Variants in BRAF observed in about 807,000 individuals in gnomAD.
BRAF encodes the protein serine/threonine-protein kinase B-raf.
A neutral mutation model predicts 104.6 loss-of-function variants in BRAF; 16 were observed. The observed-to-expected ratio is 0.15, with a 90% CI of 0.10 to 0.23. BRAF has a LOEUF of 0.23. Ranked by LOEUF, BRAF falls within the 10% of genes least tolerant of loss-of-function variation. The pLI is 1.00. For synonymous variants in BRAF, 310 were observed against 341.6 expected (o/e 0.91, Z 1.02); for missense variants, 541 against 937.3 (o/e 0.58, Z 5.52).
intron 1 of BRAF, among the ~76,000 whole-genome samples, chr7:140,901,382 C>G (rs1307943879): frequency 1.3e-5 from 2 of 152,106 alleles, no homozygotes; most frequent in East Asian, 3.9e-4. Context: ...CCAGGATGAG[C>G]AGTGCCTACC....
chr7:140,826,696 A>G (rs1239991971), intron 3 of BRAF, among the ~76,000 whole-genome samples: 1 of 152,184 alleles, frequency 6.6e-6, no homozygotes. Context: ...CATCTCAAAA[A>G]AGCGTGGGTT....
intron 1 of BRAF, among the ~76,000 whole-genome samples, chr7:140,919,663 T>TA (rs1818002283): frequency 6.6e-6 from 1 of 152,100 alleles, no homozygotes; most frequent in African/African-American, 2.4e-5. Flanking sequence ...ACAAAAAATT[T>TA]AAGAAAGAAA....
chr7:140,718,985 A>C (rs1795201179), downstream of BRAF, among the ~76,000 whole-genome samples: 1 of 152,220 alleles, frequency 6.6e-6, no homozygotes, highest in Admixed American at 6.5e-5. Flanking sequence ...TCTGCAGATA[A>C]ACTTTAAACA....
At chr7:140,891,759 A>T (rs1028118832) in intron 1 of BRAF, among the ~76,000 whole-genome samples, 1 of 151,796 alleles carries the variant, frequency 6.6e-6, no homozygotes, top group Non-Finnish European at 1.5e-5. Flanking sequence ...AAACCATTGA[A>T]AAAAAAAATT....
At chr7:140,897,137 G>T (rs1176398520) in intron 1 of BRAF, among the ~76,000 whole-genome samples, 5 of 151,412 alleles carry the variant, frequency 3.3e-5, no homozygotes, top group African/African-American at 4.9e-5. Flanking sequence ...ACGTGGAAGA[G>T]TGAATGAGCA....
intron 1 of BRAF, among the ~76,000 whole-genome samples, chr7:140,911,178 T>G (rs1816933396): frequency 6.6e-6 from 1 of 152,196 alleles, no homozygotes; most frequent in Non-Finnish European, 1.5e-5. Flanking sequence ...AGAGAATAAG[T>G]ATGAATCCCA....
chr7:140,845,503 C>A (rs535394965), intron 2 of BRAF, among the ~76,000 whole-genome samples: 30 of 152,202 alleles, frequency 2.0e-4, no homozygotes, highest in African/African-American at 6.7e-4. Flanking sequence ...ACAAAACAAA[C>A]AATCCAATTA....
chr7:140,755,872 T>C (rs4370443), intron 14 of BRAF, among the ~76,000 whole-genome samples: 3 of 151,892 alleles, frequency 2.0e-5, no homozygotes, highest in East Asian at 1.9e-4. Context: ...GGATCTAGTA[T>C]ACAGCCAAGG....
intron 10 of BRAF, chr7:140,783,399 C>A: frequency 2.5e-6 from 1 of 393,794 alleles, no homozygotes; most frequent in Non-Finnish European, 4.5e-6. Context: ...TAGACACATA[C>A]TTTATTTACT....
intron 19 of BRAF, among the ~76,000 whole-genome samples, chr7:140,727,227 A>G (rs1795652718): frequency 6.9e-6 from 1 of 144,162 alleles, no homozygotes; most frequent in Non-Finnish European, 1.5e-5. Flanking sequence ...TTTGTTGCCC[A>G]GGCTGGAGTG....
chr7:140,890,490 GA>G (rs1814096288), intron 1 of BRAF, among the ~76,000 whole-genome samples: 1 of 151,864 alleles, frequency 6.6e-6, no homozygotes, highest in African/African-American at 2.4e-5. Flanking sequence ...ACTCCATCTA[GA>G]TTTTTTTTTT....
At chr7:140,903,858 A>C (rs1815972715) in intron 1 of BRAF, among the ~76,000 whole-genome samples, 1 of 152,256 alleles carries the variant, frequency 6.6e-6, no homozygotes, top group Non-Finnish European at 1.5e-5. Flanking sequence ...GTGTAGTAGA[A>C]GCAGCAGAAG....
intron 14 of BRAF, among the ~76,000 whole-genome samples, chr7:140,757,758 T>C (rs963268587): frequency 6.6e-6 from 1 of 152,228 alleles, no homozygotes; most frequent in Non-Finnish European, 1.5e-5. Context: ...AGGAGATTTT[T>C]AAAGATCGGC....
chr7:140,856,912 G>A (rs1192741465), intron 1 of BRAF, among the ~76,000 whole-genome samples: 2 of 152,112 alleles, frequency 1.3e-5, no homozygotes, highest in Non-Finnish European at 2.9e-5. Context: ...GGTGCAAGAA[G>A]AAAATAACTG....
chr7:140,921,630 G>T (rs1048781809), intron 1 of BRAF, among the ~76,000 whole-genome samples: 2 of 151,828 alleles, frequency 1.3e-5, no homozygotes, highest in Admixed American at 6.6e-5. Context: ...CATTAAAAAA[G>T]AACAGATGGA....
chr7:140,761,821 T>C (rs1265239156), intron 14 of BRAF, among the ~76,000 whole-genome samples: 1 of 152,154 alleles, frequency 6.6e-6, no homozygotes, highest in Non-Finnish European at 1.5e-5. Flanking sequence ...AAGGGACCAA[T>C]TCAACAAGAA....
At chr7:140,791,223 T>C (rs1801930904) in intron 8 of BRAF, among the ~76,000 whole-genome samples, 1 of 152,210 alleles carries the variant, frequency 6.6e-6, no homozygotes, top group African/African-American at 2.4e-5. Context: ...TAACACTTAA[T>C]CCTACTTCCT....
At position 140,850,137 on chromosome 7, in the gene BRAF, G is replaced by A. The variant is rs2129073711; in HGVS notation, c.214C>T (p.His72Tyr). 6.2e-7 allele frequency: 1 copy of A among 1,610,000 alleles called. No individual in the cohort carries two copies. The highest frequency in any genetic ancestry group is 8.5e-7 in the Non-Finnish European group (1 of 1,177,660). Residue 72 changes from histidine (H) to tyrosine (Y), a missense_variant, in exon 2 of 20, where the codon CAT becomes TAT. Around this residue, in one of 10 missense-constraint regions of BRAF, gnomAD observed 86 missense variants for 133.9 expected, o/e 0.64. Coordinates refer to ENST00000644969, the MANE Select transcript of BRAF (RefSeq NM_001374258.1). ...EALLDKFGGE[H>Y]NPPSIYLEAY... ...TCCAGATATATTGATGGTGGATTAT[G>A]CTCCCCACCAAATTTGTCCAATAGG...
Position 140,793,660 on chromosome 7 carries a change from C to G in BRAF, c.1140+648G>C, listed in dbSNP as rs146653274. Among the ~76,000 whole-genome samples, 1,368 of 152,290 alleles carry G rather than the reference C, an allele frequency of 9.0e-3. 9 individuals carry two copies. Among genetic ancestry groups the G allele is most frequent in the Non-Finnish European group, 0.014 (961 of 68,022 alleles). On this transcript the variant is annotated intron_variant, in intron 8 of 19. Transcript: ENST00000644969. ...TTTTCTTTTGAGACAGGGTCTCACTCTGTTGCTCAGGCTGGAGTGCAGTGG... is the reference window on the plus strand; with the variant it reads ...TTTTCTTTTGAGACAGGGTCTCACTGTGTTGCTCAGGCTGGAGTGCAGTGG...
Sources: allele counts gnomAD v4.1 joint callset (sites outside exome capture counted in the v4.1 genomes callset), GRCh38; gene constraint gnomAD v4.1.1; regional missense constraint gnomAD v4.1.1; transcripts MANE v1.5; gene names NCBI Gene and HGNC (gene_info 2026-07-23, HGNC 2026-07-21).